FHIT: variants seen among roughly 807,000 people sequenced by gnomAD.
FHIT encodes the protein fragile histidine triad diadenosine triphosphatase, also known as bis(5'-adenosyl)-triphosphatase.
In FHIT, 19 loss-of-function variants were observed where a neutral mutation model predicts 17.9. That is an observed-to-expected ratio of 1.06 (90% CI 0.74 to 1.56). FHIT has a LOEUF of 1.56. Ranked by LOEUF, FHIT falls within the 40% of genes most tolerant of loss-of-function variation. The pLI, the probability that FHIT is intolerant of heterozygous loss-of-function variation, is 0.00. For missense variants in FHIT, 248 were observed against 189.2 expected (o/e 1.31, Z -1.82); for synonymous variants, 81 against 69.7 (o/e 1.16, Z -0.81).
intron 5 of FHIT, among the ~76,000 whole-genome samples, chr3:60,415,882 ATATTAT>A (rs66966640): frequency 6.9e-6 from 1 of 145,668 alleles, no homozygotes; most frequent in African/African-American, 2.5e-5. Flanking sequence ...ATACTATTAT[ATATTAT>A]TATTACATAC....
chr3:60,288,827 G>A (rs879277285), intron 5 of FHIT, among the ~76,000 whole-genome samples: 1 of 152,076 alleles, frequency 6.6e-6, no homozygotes, highest in Non-Finnish European at 1.5e-5. Context: ...CCCAATGGAA[G>A]CTTTAACAAC....
At chr3:60,651,752 A>G (rs1374241438) in intron 4 of FHIT, among the ~76,000 whole-genome samples, 1 of 152,150 alleles carries the variant, frequency 6.6e-6, no homozygotes, top group Non-Finnish European at 1.5e-5. Context: ...TGCTCATTCC[A>G]AGCATTAGAT....
chr3:60,108,207 G>C (rs939009590), intron 5 of FHIT, among the ~76,000 whole-genome samples: 4 of 152,140 alleles, frequency 2.6e-5, no homozygotes, highest in African/African-American at 7.2e-5. Context: ...CCATCATAAG[G>C]CATTATGTTT....
At chr3:59,813,569 T>C (rs1700482828) in intron 8 of FHIT, among the ~76,000 whole-genome samples, 1 of 152,170 alleles carries the variant, frequency 6.6e-6, no homozygotes, top group Admixed American at 6.5e-5. Flanking sequence ...AACAGGAAGG[T>C]TGATTTTAAA....
intron 8 of FHIT, among the ~76,000 whole-genome samples, chr3:59,831,518 G>C (rs565542984): frequency 1.3e-5 from 2 of 152,228 alleles, no homozygotes; most frequent in Non-Finnish European, 2.9e-5. Flanking sequence ...TGTGCCCTTA[G>C]TTACTACCCT....
chr3:59,971,173 G>A (rs1337229019), intron 7 of FHIT, among the ~76,000 whole-genome samples: 2 of 152,068 alleles, frequency 1.3e-5, no homozygotes, highest in Non-Finnish European at 2.9e-5. Context: ...TGAAGTTCAA[G>A]GAAATGAATT....
chr3:60,975,419 T>C (rs896270684), intron 3 of FHIT, among the ~76,000 whole-genome samples: 1 of 152,220 alleles, frequency 6.6e-6, no homozygotes, highest in Non-Finnish European at 1.5e-5. Context: ...AGTTAATGTA[T>C]GCTGAACTTG....
intron 5 of FHIT, among the ~76,000 whole-genome samples, chr3:60,085,904 A>G (rs1439313246): frequency 6.6e-6 from 1 of 152,138 alleles, no homozygotes. Context: ...CTCCTGTGAG[A>G]TTTTGCAATT....
chr3:60,612,541 T>A (rs186924286), intron 4 of FHIT, among the ~76,000 whole-genome samples: 1 of 152,284 alleles, frequency 6.6e-6, no homozygotes, highest in Non-Finnish European at 1.5e-5. Flanking sequence ...ACTTTTCAAT[T>A]TAGGGGAAAA....
chr3:60,953,090 A>G (rs1473922914), intron 3 of FHIT, among the ~76,000 whole-genome samples: 2 of 152,096 alleles, frequency 1.3e-5, no homozygotes. Context: ...CTGAAAGTTC[A>G]CTCTCAATAT....
chr3:60,051,841 A>G (rs1701892946), intron 5 of FHIT, among the ~76,000 whole-genome samples: 1 of 152,168 alleles, frequency 6.6e-6, no homozygotes, highest in Non-Finnish European at 1.5e-5. Context: ...ACAGGAAAAA[A>G]ATAAAACAAA....
intron 4 of FHIT, among the ~76,000 whole-genome samples, chr3:60,615,178 T>C (rs2038914850): frequency 6.6e-6 from 1 of 152,160 alleles, no homozygotes; most frequent in African/African-American, 2.4e-5. Context: ...TATTGGCATT[T>C]CCATACAGCA....
chr3:60,960,530 ATCATTT>A (rs1553780414), intron 3 of FHIT, among the ~76,000 whole-genome samples: 1 of 152,144 alleles, frequency 6.6e-6, no homozygotes, highest in Non-Finnish European at 1.5e-5. Flanking sequence ...CCATTAACTC[ATCATTT>A]ACATTAGGTA....
chr3:61,219,074 G>A (rs2039764631), intron 1 of FHIT, among the ~76,000 whole-genome samples: 1 of 152,114 alleles, frequency 6.6e-6, no homozygotes, highest in African/African-American at 2.4e-5. Context: ...CTAGGTTACA[G>A]ACCTGTAAAG....
intron 3 of FHIT, among the ~76,000 whole-genome samples, chr3:60,927,785 G>C (rs1032838849): frequency 6.6e-6 from 1 of 152,172 alleles, no homozygotes; most frequent in African/African-American, 2.4e-5. Flanking sequence ...CCCTCTGCCC[G>C]GCCGCCAATC....
At chr3:60,004,586 A>G (rs542615854) in intron 7 of FHIT, among the ~76,000 whole-genome samples, 11 of 152,260 alleles carry the variant, frequency 7.2e-5, no homozygotes, top group Admixed American at 6.5e-5. Flanking sequence ...GGGTGACAAA[A>G]TATTTACAAA....
At chr3:59,980,646 T>C (rs1008388309) in intron 7 of FHIT, among the ~76,000 whole-genome samples, 1 of 152,158 alleles carries the variant, frequency 6.6e-6, no homozygotes, top group Admixed American at 6.6e-5. Flanking sequence ...CAAGGATAGC[T>C]TGTCCCACAA....
chr3:60,582,760 A>G lies in FHIT; in HGVS notation c.-17-45781T>C, dbSNP rs1553660132. On this transcript the variant is annotated intron_variant, in intron 4 of 9. Transcript: ENST00000492590. ...ATGGAAGACCCTGGGGTGTACAAAC[A>G]TAACAACAACAAATAGAAAGTAGCA... Among the ~76,000 whole-genome samples, 6 of 152,134 alleles carry G rather than the reference A, an allele frequency of 3.9e-5. No individual in the cohort carries two copies. In the South Asian group the frequency reaches 1.0e-3, roughly 26 times the overall value.
chr3:59,954,168 G>A (rs1052911344), intron 7 of FHIT, among the ~76,000 whole-genome samples: 2 of 150,678 alleles, frequency 1.3e-5, no homozygotes, highest in Non-Finnish European at 2.9e-5. Context: ...ATTGTTTACA[G>A]CCACAATAAT....
Sources: allele counts gnomAD v4.1 joint callset (sites outside exome capture counted in the v4.1 genomes callset), GRCh38; gene constraint gnomAD v4.1.1; transcripts MANE v1.5; gene names NCBI Gene and HGNC (gene_info 2026-07-23, HGNC 2026-07-21).